Variants in EFCAB6 observed in about 807,000 individuals in gnomAD.
The protein encoded by EFCAB6 is EF-hand calcium-binding domain-containing protein 6.
In EFCAB6, 156 loss-of-function variants were observed where a neutral mutation model predicts 169.8. The ratio of observed to expected loss-of-function variants is 0.92; its 90% CI spans 0.81 to 1.05. The LOEUF is 1.05. EFCAB6 is among the 50% of genes least tolerant of loss of function. The pLI is 0.00. For missense variants in EFCAB6, 1,800 were observed against 1,829.1 expected (o/e 0.98, Z 0.29); for synonymous variants, 698 against 676.4 (o/e 1.03, Z -0.50).
chr22:43,633,824 T>C (rs1334724439), intron 18 of EFCAB6, among the ~76,000 whole-genome samples: 3 of 152,190 alleles, frequency 2.0e-5, no homozygotes, highest in South Asian at 2.1e-4. Context: ...CTGCAGAGGC[T>C]GCAAGTGGCC....
intron 10 of EFCAB6, among the ~76,000 whole-genome samples, chr22:43,688,354 G>A (rs1056327065): frequency 2.0e-5 from 3 of 152,192 alleles, no homozygotes; most frequent in Non-Finnish European, 4.4e-5. Flanking sequence ...TAAGCCACTA[G>A]GCTCGTGTAC....
rs1281350778 is a variant in EFCAB6 at position 43,615,929 on chromosome 22, A to G, written c.2466-7T>C. 1 of 1,609,326 alleles carries G rather than the reference A, an allele frequency of 6.2e-7. No homozygotes were observed. Among genetic ancestry groups the G allele is most frequent in the African/African-American group, 1.3e-5 (1 of 74,892 alleles). ...CGCAACCTTCTGTTTTGGTCTTAAA[A>G]GAAAAAAAATAATAAATAACTGTGT... On this transcript the variant is annotated splice_region_variant and splice_polypyrimidine_tract_variant and intron_variant, in intron 20 of 31. Coordinates refer to ENST00000262726, the MANE Select transcript of EFCAB6 (RefSeq NM_022785.4).
intron 30 of EFCAB6, among the ~76,000 whole-genome samples, chr22:43,533,849 A>G (rs981887388): frequency 6.6e-6 from 1 of 152,192 alleles, no homozygotes; most frequent in African/African-American, 2.4e-5. Context: ...GGGACATTTC[A>G]CAGATGAGTC....
chr22:43,595,813 A>G (rs961098629), intron 23 of EFCAB6, among the ~76,000 whole-genome samples: 1 of 152,202 alleles, frequency 6.6e-6, no homozygotes, highest in African/African-American at 2.4e-5. Flanking sequence ...ACTACAGGCC[A>G]AAATTCCTGA....
At chr22:43,673,496 C>A (rs2057584894) in intron 13 of EFCAB6, among the ~76,000 whole-genome samples, 1 of 152,086 alleles carries the variant, frequency 6.6e-6, no homozygotes, top group Non-Finnish European at 1.5e-5. Context: ...AGATAGCAGG[C>A]CAGGCACAGT....
intron 17 of EFCAB6, among the ~76,000 whole-genome samples, chr22:43,637,195 G>A (rs975027499): frequency 9.2e-5 from 14 of 152,164 alleles, no homozygotes; most frequent in Non-Finnish European, 1.9e-4. Flanking sequence ...GTCAGGAGAC[G>A]GTTTCTCCTG....
chr22:43,697,534 C>T (rs2058620577), intron 10 of EFCAB6, among the ~76,000 whole-genome samples: 1 of 152,016 alleles, frequency 6.6e-6, no homozygotes, highest in African/African-American at 2.4e-5. Context: ...CCTTTATTGT[C>T]CAGTTTCCAT....
chr22:43,808,644 T>C (rs2063002050), intron 2 of EFCAB6, among the ~76,000 whole-genome samples: 2 of 152,012 alleles, frequency 1.3e-5, no homozygotes, highest in African/African-American at 4.8e-5. Flanking sequence ...AGACAGAGCA[T>C]TGGGCAAAAA....
chr22:43,602,402 AG>A (rs1327943428), intron 22 of EFCAB6, among the ~76,000 whole-genome samples: 1 of 152,158 alleles, frequency 6.6e-6, no homozygotes, highest in Non-Finnish European at 1.5e-5. Context: ...CAGCACCATC[AG>A]GGGCAAGCGC....
At chr22:43,716,701 G>A (rs1055218422) in intron 9 of EFCAB6, 147 bp downstream of exon 9, 1 of 846,916 alleles carries the variant, frequency 1.2e-6, no homozygotes, top group South Asian at 3.3e-5. Flanking sequence ...GCTGTTATTG[G>A]GAGGTAGAGG....
chr22:43,600,821 C>A (rs561528257), intron 22 of EFCAB6, among the ~76,000 whole-genome samples: 1 of 152,188 alleles, frequency 6.6e-6, no homozygotes, highest in East Asian at 1.9e-4. Context: ...GGCCACCATG[C>A]CCGGCTAATG....
chr22:43,722,549 A>G (rs914048945), intron 8 of EFCAB6, among the ~76,000 whole-genome samples: 18 of 152,012 alleles, frequency 1.2e-4, no homozygotes, highest in Non-Finnish European at 2.2e-4. Flanking sequence ...AAAAAGTCAA[A>G]AAACAACAGA....
Position 43,753,700 on chromosome 22 carries a change from T to C in EFCAB6, c.507+2066A>G, listed in dbSNP as rs116868408. On this transcript the variant is annotated intron_variant, in intron 6 of 31. Coordinates refer to ENST00000262726, the MANE Select transcript of EFCAB6 (RefSeq NM_022785.4). ...CAAATCAGCCATCAGACCAAGCTCA[T>C]TGCAGAAGAAAACAATTAGGAAATA... 9.2e-3 allele frequency among the ~76,000 whole-genome samples: 1,405 copies of C among 152,270 alleles called. 26 individuals carry two copies. Among genetic ancestry groups the C allele is most frequent in the Non-Finnish European group, 9.2e-3 (629 of 68,014 alleles).
At chr22:43,769,485 G>A (rs190799974) in intron 4 of EFCAB6, among the ~76,000 whole-genome samples, 48 of 152,210 alleles carry the variant, frequency 3.2e-4, no homozygotes, top group African/African-American at 9.9e-4. Flanking sequence ...TTTATGATAC[G>A]TAAATTATAC....
Position 43,534,782 on chromosome 22 carries a change from G to A in EFCAB6, c.4139C>T (p.Ala1380Val). ...ACAGCTCTGAATGAAGTCACAGTATGCAAATTTCCCGTTGCTCTTTAAGTC... is the reference window on the plus strand; with the variant it reads ...ACAGCTCTGAATGAAGTCACAGTATACAAATTTCCCGTTGCTCTTTAAGTC... ...KYDLKSNGKFAYCDFIQSCVL... is the reference protein window; with the variant it reads ...KYDLKSNGKFVYCDFIQSCVL... Residue 1380 changes from alanine (A) to valine (V), a missense_variant, in exon 30 of 32, where the codon GCA becomes GTA. Coordinates refer to ENST00000262726, the MANE Select transcript of EFCAB6 (RefSeq NM_022785.4). 2 of 1,614,012 alleles carry A rather than the reference G, an allele frequency of 1.2e-6. No homozygotes were observed. The highest frequency in any genetic ancestry group is 1.7e-6 in the Non-Finnish European group (2 of 1,179,984).
At chr22:43,732,951 T>G (rs1431073740) in intron 7 of EFCAB6, among the ~76,000 whole-genome samples, 1 of 152,230 alleles carries the variant, frequency 6.6e-6, no homozygotes, top group African/African-American at 2.4e-5. Flanking sequence ...ATTTCTATAA[T>G]TATCTAATCT....
rs1569487352 is a variant in EFCAB6 at position 43,784,576 on chromosome 22, T to TACACATATATATGTATAC, written c.-7-2252_-7-2251insGTATACATATATATGTGT. Among the ~76,000 whole-genome samples the TACACATATATATGTATAC allele has an allele frequency of 1.6e-3, 137 of 84,130 alleles. 8 individuals are homozygous for TACACATATATATGTATAC. Among genetic ancestry groups the TACACATATATATGTATAC allele is most frequent in the African/African-American group, 6.0e-3 (133 of 21,994 alleles). 55.2% of individuals were successfully genotyped at this position (84,130 alleles called of 152,430 possible). On this transcript the variant is annotated intron_variant, in intron 2 of 31. Coordinates refer to ENST00000262726, the MANE Select transcript of EFCAB6 (RefSeq NM_022785.4). ...ATATATACACATATATATGTGTACA[T>TACACATATATATGTATAC]ATACACATATATATGTATATATACA...
chr22:43,720,883 A>G (rs1299323870), intron 8 of EFCAB6, among the ~76,000 whole-genome samples: 1 of 152,240 alleles, frequency 6.6e-6, no homozygotes, highest in Admixed American at 6.5e-5. Flanking sequence ...CAGAGGAATC[A>G]GGCAAGAGAA....
chr22:43,654,221 T>C (rs1173940839), intron 17 of EFCAB6, among the ~76,000 whole-genome samples: 1 of 152,194 alleles, frequency 6.6e-6, no homozygotes, highest in East Asian at 1.9e-4. Flanking sequence ...AAATATCCCA[T>C]GAAAAAGGAT....
Sources: gnomAD v4.1 joint callset for allele counts (sites outside exome capture counted in the v4.1 genomes callset) on GRCh38, gnomAD v4.1.1 for gene constraint, MANE v1.5 for transcripts, NCBI Gene and HGNC (gene_info 2026-07-23, HGNC 2026-07-21) for gene names.